Variants in ANGPTL6 observed in about 807,000 individuals in gnomAD.
ANGPTL6 encodes the protein angiopoietin like 6.
ANGPTL6 carries 45 observed loss-of-function variants against 47.4 expected under a neutral mutation model. That is an observed-to-expected ratio of 0.95 (90% confidence interval 0.75 to 1.22). The LOEUF is 1.22. Among genes scored for constraint, ANGPTL6 ranks in the 50% most tolerant of loss-of-function variants. ANGPTL6 has a pLI of 0.00. For synonymous variants in ANGPTL6, 290 were observed against 295.9 expected (o/e 0.98, Z 0.20); for missense variants, 698 against 669.4 (o/e 1.04, Z -0.47).
At chr19:10,096,756 G>T (rs1271020694) in intron 1 of ANGPTL6, among the ~76,000 whole-genome samples, 183 bp from the exon 2 acceptor site, 1 of 152,216 alleles carries the variant, frequency 6.6e-6, no homozygotes, top group Non-Finnish European at 1.5e-5. Flanking sequence ...TCAACACCGA[G>T]CTCTTGGCGC....
At chr19:10,102,922 G>T, upstream of ANGPTL6, 1 of 363,060 alleles carries the variant, frequency 2.8e-6, no homozygotes, top group Non-Finnish European at 3.8e-6. Flanking sequence ...GTGGGAGGCT[G>T]CAGGCCCTGG....
upstream of ANGPTL6, among the ~76,000 whole-genome samples, chr19:10,105,449 A>C (rs1476777490): frequency 6.6e-6 from 1 of 152,176 alleles, no homozygotes; most frequent in Non-Finnish European, 1.5e-5. Context: ...AGATGGGAAG[A>C]TGGGGAGAGA....
chr19:10,094,729 A>T lies in ANGPTL6; in HGVS notation c.763+29T>A, dbSNP rs746638793. ...CTGACTCCTCAATTTTCCTCTACCCACAATTCCTCAGCCCTAATGTCGACT... is the reference window on the plus strand; with the variant it reads ...CTGACTCCTCAATTTTCCTCTACCCTCAATTCCTCAGCCCTAATGTCGACT... On this transcript the variant is annotated intron_variant, in intron 3 of 5. Coordinates refer to ENST00000253109, the MANE Select transcript of ANGPTL6 (RefSeq NM_031917.3). The T allele has an allele frequency of 8.1e-6, 13 of 1,613,840 alleles. No homozygotes were observed. The East Asian group carries it at 2.9e-4, about 36-fold the overall frequency.
At chr19:10,097,128 T>A (rs181850309) in intron 1 of ANGPTL6, among the ~76,000 whole-genome samples, 2 of 149,212 alleles carry the variant, frequency 1.3e-5, no homozygotes, top group South Asian at 2.1e-4. Context: ...AAAACAAGGC[T>A]TATGGGGCCG....
At chr19:10,092,898 C>G (rs1205474312) in intron 5 of ANGPTL6, 119 bp from the exon 6 acceptor site, 4 of 824,800 alleles carry the variant, frequency 4.8e-6, no homozygotes, top group Non-Finnish European at 7.1e-6. Context: ...TGAATACAAG[C>G]CCTGATCTTC....
At position 10,093,797 on chromosome 19, in the gene ANGPTL6, C is replaced by G; in HGVS notation, c.847G>C (p.Val283Leu). ...VYELRVGRHV[V>L]SVWCEQQLEG... ...AGTTGCTGCTCACACCATACTGACA[C>G]TACGTGACGGCCCACTCGCAGTTCA... The change falls in exon 4 of 6, where the codon GTG becomes CTG. Residue 283 changes from valine to leucine, a missense_variant. Val to Leu is a conservative substitution (Grantham distance 32, BLOSUM62 1). Coordinates refer to ENST00000253109, the MANE Select transcript of ANGPTL6 (RefSeq NM_031917.3). The G allele has an allele frequency of 6.2e-7, 1 of 1,614,118 alleles. No homozygotes were observed. Among genetic ancestry groups the G allele is most frequent in the Non-Finnish European group, 8.5e-7 (1 of 1,180,050 alleles).
intron 1 of ANGPTL6, among the ~76,000 whole-genome samples, chr19:10,098,368 CAA>C (rs2088596273): frequency 6.6e-6 from 1 of 151,782 alleles, no homozygotes; most frequent in Non-Finnish European, 1.5e-5. Context: ...AAAACAATAA[CAA>C]AAAACAGCAA....
At chr19:10,105,629 C>G (rs1008971138), upstream of ANGPTL6, among the ~76,000 whole-genome samples, 9 of 143,278 alleles carry the variant, frequency 6.3e-5, no homozygotes, top group Non-Finnish European at 1.0e-4. Context: ...GGAGGGGAGA[C>G]ACATCTGGGG....
In ANGPTL6 at chr19:10,093,537, A is replaced by G; in HGVS notation, c.1034T>C (p.Leu345Pro). 6.2e-7 allele frequency: 1 copy of G among 1,614,154 alleles called. No homozygotes were observed. The highest frequency in any genetic ancestry group is 8.5e-7 in the Non-Finnish European group (1 of 1,180,016). Residue 345 changes from leucine (L) to proline (P), a missense_variant, in exon 5 of 6, where the codon CTG becomes CCG. Leu to Pro is a moderately conservative substitution (Grantham distance 98). Transcript: ENST00000253109. Reference protein sequence around the residue: ...YQLTSRGDHELLVLLEDWGGR... With the variant: ...YQLTSRGDHEPLVLLEDWGGR... ...CCCCCAGTCCTCCAGGAGAACCAGCAGCTCATGGTCCCCACGGCTGGTCAG... is the reference window on the plus strand; with the variant it reads ...CCCCCAGTCCTCCAGGAGAACCAGCGGCTCATGGTCCCCACGGCTGGTCAG...
chr19:10,098,078 G>C (rs2088591444), intron 1 of ANGPTL6, among the ~76,000 whole-genome samples: 1 of 151,024 alleles, frequency 6.6e-6, no homozygotes, highest in Admixed American at 6.6e-5. Flanking sequence ...TTTCTGTATA[G>C]TCAGGGTCTT....
upstream of ANGPTL6, among the ~76,000 whole-genome samples, chr19:10,103,088 C>T (rs1442943091): frequency 6.6e-6 from 1 of 151,912 alleles, no homozygotes; most frequent in Non-Finnish European, 1.5e-5. Flanking sequence ...TGTATGTACC[C>T]TCATTTTACA....
upstream of ANGPTL6, among the ~76,000 whole-genome samples, chr19:10,103,552 C>T (rs764897366): frequency 2.7e-5 from 4 of 150,446 alleles, no homozygotes; most frequent in South Asian, 2.1e-4. Context: ...ATCGAGCAAC[C>T]GCATGCACTC....
chr19:10,103,000 G>T (rs771098580), upstream of ANGPTL6, among the ~76,000 whole-genome samples: 2 of 151,742 alleles, frequency 1.3e-5, no homozygotes, highest in Admixed American at 1.3e-4. Flanking sequence ...CATCACTGGG[G>T]ACTTACCGTG....
intron 1 of ANGPTL6, among the ~76,000 whole-genome samples, chr19:10,099,643 C>G (rs960122316): frequency 9.9e-5 from 15 of 151,660 alleles, no homozygotes; most frequent in Non-Finnish European, 1.6e-4. Flanking sequence ...TCCTCCCAGG[C>G]CCTTCCTCAC....
Position 10,094,788 on chromosome 19 carries a change from C to T in ANGPTL6, c.733G>A (p.Gly245Ser), listed in dbSNP as rs766174910. ...GGCTTGGTGGGGACCGCAGGGTGAC[C>T]TGCAGGCATGGGAGAAGCCATGGGC... ...QEPMASPMPAGHPAVPTKPVG... is the reference protein window; with the variant it reads ...QEPMASPMPASHPAVPTKPVG... The change falls in exon 3 of 6, where the codon GGT becomes AGT. Residue 245 changes from glycine to serine, a missense_variant. Physicochemically the swap from Gly to Ser is moderately conservative, Grantham distance 56. Coordinates refer to ENST00000253109, the MANE Select transcript of ANGPTL6 (RefSeq NM_031917.3). 5.0e-6 allele frequency: 8 copies of T among 1,614,102 alleles called. No homozygotes were observed. The highest frequency in any genetic ancestry group is 1.6e-4 in the Middle Eastern group (1 of 6,084).
At chr19:10,096,817 G>A (rs1041222964) in intron 1 of ANGPTL6, among the ~76,000 whole-genome samples, 6 of 152,198 alleles carry the variant, frequency 3.9e-5, no homozygotes, top group African/African-American at 7.2e-5. Flanking sequence ...AGCGAGGCCG[G>A]GCGCCGTAGC....
rs2088418642 is a variant in ANGPTL6 at position 10,092,668 on chromosome 19, C to T, written c.1334G>A (p.Gly445Asp). The T allele has an allele frequency of 6.2e-7, 1 of 1,614,078 alleles. No homozygotes were observed. Among genetic ancestry groups the T allele is most frequent in the South Asian group, 1.1e-5 (1 of 91,072 alleles). Residue 445 changes from glycine to aspartate, a missense_variant, in exon 6 of 6, where the codon GGT becomes GAT. By Grantham distance (94) the Gly-to-Asp change is moderately conservative. Coordinates refer to ENST00000253109, the MANE Select transcript of ANGPTL6 (RefSeq NM_031917.3). ...ACCACGAAACTCAGCCCAGTAGACACCATCCTGGTAGCGGCTTCGGTAGTG... is the reference window on the plus strand; with the variant it reads ...ACCACGAAACTCAGCCCAGTAGACATCATCCTGGTAGCGGCTTCGGTAGTG... The part of the protein sequence containing the change: ...GGHYRSRYQD[G>D]VYWAEFRGGA...
intron 1 of ANGPTL6, among the ~76,000 whole-genome samples, chr19:10,096,812 G>A (rs938158565): frequency 6.6e-6 from 1 of 152,286 alleles, no homozygotes; most frequent in East Asian, 1.9e-4. Context: ...CGACAAGCGA[G>A]GCCGGGCGCC....
intron 5 of ANGPTL6, 108 bp from the exon 6 acceptor site, chr19:10,092,887 T>C (rs1033976161): frequency 3.2e-6 from 3 of 926,448 alleles, no homozygotes; most frequent in South Asian, 2.3e-5. Context: ...CCCATTCTTA[T>C]TGAATACAAG....
Sources: allele counts gnomAD v4.1 joint callset (sites outside exome capture counted in the v4.1 genomes callset), GRCh38; gene constraint gnomAD v4.1.1; transcripts MANE v1.5; gene names NCBI Gene and HGNC (gene_info 2026-07-23, HGNC 2026-07-21).